The following ZBTB7C variants were observed in gnomAD, a reference collection of about 807,000 sequenced individuals.
ZBTB7C encodes the protein zinc finger and BTB domain containing 7C, also known as zinc finger and BTB domain-containing protein 7C.
ZBTB7C carries 8 observed loss-of-function variants against 25.7 expected under a neutral mutation model. That is an observed-to-expected ratio of 0.31 (90% CI 0.18 to 0.56). The LOEUF is 0.56. Among genes scored for constraint, ZBTB7C ranks in the 20% least tolerant of loss-of-function variants. ZBTB7C has a pLI of 0.91. For synonymous variants in ZBTB7C, 394 were observed against 369.0 expected, an observed-to-expected ratio of 1.07 and a Z score of -0.78; for missense variants, 824 against 855.2, an observed-to-expected ratio of 0.96 and a Z score of 0.46.
intron 3 of ZBTB7C, among the ~76,000 whole-genome samples, chr18:48,164,137 G>C (rs1328088288): frequency 6.6e-6 from 1 of 152,202 alleles, no homozygotes; most frequent in Non-Finnish European, 1.5e-5. Context: ...GAAACCTGCT[G>C]CAGTTGTATT....
At chr18:48,090,670 C>A (rs2038377698) in intron 3 of ZBTB7C, among the ~76,000 whole-genome samples, 1 of 152,196 alleles carries the variant, frequency 6.6e-6, no homozygotes, top group African/African-American at 2.4e-5. Flanking sequence ...TGGTCCCTAC[C>A]AAAGCCTTCA....
intron 4 of ZBTB7C, among the ~76,000 whole-genome samples, chr18:48,037,614 G>A (rs2036031779): frequency 6.6e-6 from 1 of 152,240 alleles, no homozygotes; most frequent in African/African-American, 2.4e-5. Context: ...CCAGAGGAAA[G>A]GGAGTGGGGA....
intron 2 of ZBTB7C, among the ~76,000 whole-genome samples, chr18:48,321,541 G>A (rs2144856064): frequency 6.6e-6 from 1 of 152,308 alleles, no homozygotes; most frequent in South Asian, 2.1e-4. Context: ...TCAGATATCT[G>A]CAATCAAAGC....
intron 3 of ZBTB7C, among the ~76,000 whole-genome samples, chr18:48,073,071 C>A (rs1273972077): frequency 6.6e-6 from 1 of 152,202 alleles, no homozygotes; most frequent in African/African-American, 2.4e-5. Context: ...AATGTGGAAA[C>A]CAGGCCCAGT....
chr18:48,382,195 G>A (rs78048246), intron 1 of ZBTB7C, among the ~76,000 whole-genome samples: 4,968 of 152,222 alleles, frequency 0.033, 129 homozygotes, highest in South Asian at 0.055. Flanking sequence ...TCAAGATGTA[G>A]CCATTTACAC....
intron 3 of ZBTB7C, among the ~76,000 whole-genome samples, chr18:48,141,135 C>A (rs2040331254): frequency 2.4e-5 from 1 of 42,000 alleles, no homozygotes; most frequent in African/African-American, 8.2e-5. Flanking sequence ...GATAGGCATC[C>A]CCCCCGCACC....
At chr18:48,080,414 T>C (rs1288114903) in intron 3 of ZBTB7C, among the ~76,000 whole-genome samples, 1 of 152,218 alleles carries the variant, frequency 6.6e-6, no homozygotes, top group East Asian at 1.9e-4. Flanking sequence ...TTTTCATGTA[T>C]TGACTCTCAT....
chr18:48,164,881 A>G (rs907879624), intron 3 of ZBTB7C, among the ~76,000 whole-genome samples: 1 of 152,090 alleles, frequency 6.6e-6, no homozygotes, highest in South Asian at 2.1e-4. Flanking sequence ...CACCCCCTAC[A>G]TCCCACCAAG....
intron 2 of ZBTB7C, among the ~76,000 whole-genome samples, chr18:48,258,229 C>A (rs1405347731): frequency 6.6e-6 from 1 of 152,098 alleles, no homozygotes; most frequent in African/African-American, 2.4e-5. Flanking sequence ...AATGTTCTAG[C>A]CAGTGCAATC....
At chr18:48,218,280 A>T (rs764519074) in intron 2 of ZBTB7C, among the ~76,000 whole-genome samples, 1 of 152,140 alleles carries the variant, frequency 6.6e-6, no homozygotes, top group South Asian at 2.1e-4. Flanking sequence ...TGGTGCTGCA[A>T]AGGGCCGCTG....
chr18:48,137,602 G>T (rs560302807), intron 3 of ZBTB7C, among the ~76,000 whole-genome samples: 1 of 152,286 alleles, frequency 6.6e-6, no homozygotes, highest in East Asian at 1.9e-4. Flanking sequence ...TCCTTACAGG[G>T]TCGTGAGTGT....
intron 2 of ZBTB7C, among the ~76,000 whole-genome samples, chr18:48,295,963 G>A (rs2045376097): frequency 6.6e-6 from 1 of 152,196 alleles, no homozygotes. Flanking sequence ...TTAGAGACTG[G>A]CTAGGATCCC....
intron 2 of ZBTB7C, among the ~76,000 whole-genome samples, chr18:48,304,916 T>C (rs142561082): frequency 6.6e-6 from 1 of 152,180 alleles, no homozygotes; most frequent in East Asian, 1.9e-4. Flanking sequence ...TTAATTCTGT[T>C]TGAGACAAGC....
At chr18:48,306,362 T>C (rs887286448) in intron 2 of ZBTB7C, among the ~76,000 whole-genome samples, 1 of 152,208 alleles carries the variant, frequency 6.6e-6, no homozygotes, top group African/African-American at 2.4e-5. Context: ...ACCTTTTGTG[T>C]GTGTCTGTGG....
At position 48,029,581 on chromosome 18, in the gene ZBTB7C, C is replaced by A; in HGVS notation, c.1539G>T (p.Glu513Asp). Residue 513 changes from glutamate (E) to aspartate (D), a missense_variant, in exon 5 of 5, where the codon GAG (glutamate) becomes GAT (aspartate). Transcript: ENST00000590800. Reference protein sequence around the residue: ...AAFVMPPALGEVGGHLGGAAV... With the variant: ...AAFVMPPALGDVGGHLGGAAV... ...CTGCGCCGCCCAGGTGGCCGCCCAC[C>A]TCGCCCAGCGCAGGGGGCATCACGA... 6.7e-7 allele frequency: 1 copy of A among 1,488,516 alleles called. No individual in the cohort carries two copies. The highest frequency in any genetic ancestry group is 8.8e-7 in the Non-Finnish European group (1 of 1,133,496). The allele number at this position is 1,488,516 out of a possible 1,614,324, so 92.2% of individuals were successfully genotyped here.
intron 3 of ZBTB7C, among the ~76,000 whole-genome samples, chr18:48,051,804 T>C (rs962758247): frequency 1.7e-4 from 26 of 151,794 alleles, no homozygotes; most frequent in African/African-American, 6.3e-4. Flanking sequence ...TGGAGAGGAG[T>C]GCCACCGCAG....
chr18:48,294,516 C>T (rs1287019477), intron 2 of ZBTB7C, among the ~76,000 whole-genome samples: 3 of 152,156 alleles, frequency 2.0e-5, no homozygotes, highest in African/African-American at 4.8e-5. Context: ...CTGTCCCTGC[C>T]GCTCCTACAA....
At chr18:48,184,790 G>C (rs1568286188) in intron 3 of ZBTB7C, among the ~76,000 whole-genome samples, 1 of 150,874 alleles carries the variant, frequency 6.6e-6, no homozygotes, top group Non-Finnish European at 1.5e-5. Context: ...GGGCTCTGGT[G>C]GCCCTTGGCT....
intron 2 of ZBTB7C, among the ~76,000 whole-genome samples, chr18:48,283,101 G>C (rs56013159): frequency 0.05 from 7,672 of 152,186 alleles, 252 homozygotes; most frequent in Non-Finnish European, 0.071. Flanking sequence ...AATTAGTAAA[G>C]CTTTAAGAAA....
Sources: gnomAD v4.1 joint callset for allele counts (sites outside exome capture counted in the v4.1 genomes callset) on GRCh38, gnomAD v4.1.1 for gene constraint, MANE v1.5 for transcripts, NCBI Gene and HGNC (gene_info 2026-07-23, HGNC 2026-07-21) for gene names.